RPSA: variants seen among roughly 807,000 people sequenced by gnomAD.
RPSA encodes ribosomal protein SA.
For missense variants in RPSA, 140 were observed against 372.8 expected (o/e 0.38, Z 5.14); for synonymous variants, 103 against 126.7 (o/e 0.81, Z 1.25).
At chr3:39,410,700 C>T in intron 3 of RPSA, 54 bp from the exon 4 acceptor site, 1 of 1,612,188 alleles carries the variant, frequency 6.2e-7, no homozygotes, top group Non-Finnish European at 8.5e-7. Flanking sequence ...TTACTGGGTG[C>T]CAGGATTGTT....
chr3:39,409,084 C>CAAA (rs752029969), intron 3 of RPSA: 9 of 78,464 alleles, frequency 1.1e-4, no homozygotes, highest in African/African-American at 1.4e-4. Flanking sequence ...GACTCTGTCT[C>CAAA]AAAAAAAAAA....
intron 5 of RPSA, 37 bp from the exon 6 acceptor site, chr3:39,411,859 C>T (rs2042009932): frequency 6.3e-6 from 10 of 1,599,368 alleles, no homozygotes; most frequent in Non-Finnish European, 8.5e-6. Context: ...ACTTGTCAGT[C>T]CCTGTAAGTC....
At chr3:39,412,194 G>C (rs2042015272) in intron 6 of RPSA, 80 bp from the exon 7 acceptor site, 1 of 1,305,024 alleles carries the variant, frequency 7.7e-7, no homozygotes, top group Non-Finnish European at 1.1e-6. Flanking sequence ...GCATCTGATA[G>C]ACTGCTGTTG....
chr3:39,411,493 G>T, intron 4 of RPSA, 156 bp from the exon 5 acceptor site: 1 of 765,480 alleles, frequency 1.3e-6, no homozygotes, highest in Non-Finnish European at 2.1e-6. Flanking sequence ...TGCAGACAAG[G>T]TTGAAAATCC....
chr3:39,409,184 CTTT>C (rs71091746), intron 3 of RPSA, among the ~76,000 whole-genome samples: 79 of 85,398 alleles, frequency 9.3e-4, no homozygotes, highest in Non-Finnish European at 1.5e-3. Flanking sequence ...TATGACCTTC[CTTT>C]TTTTTTTTTT....
intron 3 of RPSA, among the ~76,000 whole-genome samples, chr3:39,409,184 C>CTTTTTTTTTTTTTTTTTTTTTTTTT (rs71091746): frequency 1.2e-5 from 1 of 85,426 alleles, no homozygotes; most frequent in Non-Finnish European, 2.1e-5. Context: ...TATGACCTTC[C>CTTTTTTTTTTTTTTTTTTTTTTTTT]TTTTTTTTTT....
At chr3:39,411,539 A>G (rs2042005232) in intron 4 of RPSA, 110 bp from the exon 5 acceptor site, 6 of 1,166,718 alleles carry the variant, frequency 5.1e-6, no homozygotes, top group Non-Finnish European at 7.4e-6. Flanking sequence ...TTGCTTTTCA[A>G]CTAAGAGATG....
chr3:39,408,785 C>CGT, intron 3 of RPSA, 61 bp downstream of exon 3: 1 of 949,480 alleles, frequency 1.1e-6, no homozygotes, highest in South Asian at 1.3e-5. Context: ...CATTGTGAGA[C>CGT]ATAGAAAGAC....
Position 39,411,934 on chromosome 3 carries a change from G to A in RPSA, c.666G>A (p.Val222=). The A allele has an allele frequency of 6.3e-7, 1 of 1,599,874 alleles. No individual in the cohort carries two copies. The highest frequency in any genetic ancestry group is 2.2e-5 in the East Asian group (1 of 44,880). Residue 222 remains valine (V), a synonymous_variant, in exon 6 of 7, where the codon GTG becomes GTA. Transcript: ENST00000301821. ...KEEQAAAEKA[V]TKEEFQGEWT... is the part of the protein sequence containing the mutation. ...AGCAGGCTGCTGCTGAGAAGGCAGT[G>A]ACCAAGGAGGAATTTCAGGGTGAAT...
At chr3:39,409,990 G>A (rs2041981754) in intron 3 of RPSA, among the ~76,000 whole-genome samples, 1 of 152,186 alleles carries the variant, frequency 6.6e-6, no homozygotes, top group Admixed American at 6.5e-5. Flanking sequence ...CGAGCTGGGT[G>A]TGGTGTTGGC....
At chr3:39,411,151 A>G in intron 4 of RPSA, 152 bp downstream of exon 4, 1 of 888,428 alleles carries the variant, frequency 1.1e-6, no homozygotes. Flanking sequence ...TTTCGCTAAC[A>G]CCACAAGGGT....
At chr3:39,408,826 G>A (rs763287950) in intron 3 of RPSA, 102 bp downstream of exon 3, 15 of 802,414 alleles carry the variant, frequency 1.9e-5, no homozygotes, top group Middle Eastern at 2.7e-4. Context: ...CAGGCCGGGC[G>A]CGGTGGCTAC....
In RPSA at chr3:39,411,790, A is replaced by G. The variant is rs184725299; in HGVS notation, c.627+13A>G. Reference sequence around the variant, plus strand: ...AGATCCTGAAGAGGTAAGCTTCTCCAAAGGCTTGTGGTTACATAAGCAAAT... The same window carrying G: ...AGATCCTGAAGAGGTAAGCTTCTCCGAAGGCTTGTGGTTACATAAGCAAAT... On this transcript the variant is annotated intron_variant, in intron 5 of 6. Coordinates refer to ENST00000301821, the MANE Select transcript of RPSA (RefSeq NM_002295.6). The G allele has an allele frequency of 2.5e-6, 4 of 1,599,754 alleles. No individual in the cohort carries two copies. The highest frequency in any genetic ancestry group is 1.7e-5 in the Admixed American group (1 of 60,018).
At chr3:39,406,872 C>T (rs1575253329) in intron 1 of RPSA, 108 bp downstream of exon 1, 1 of 456,306 alleles carries the variant, frequency 2.2e-6, no homozygotes, top group African/African-American at 2.0e-5. Flanking sequence ...CAGACTGGAT[C>T]TGTCTCCCGC....
At chr3:39,409,981 G>A (rs1021567624) in intron 3 of RPSA, among the ~76,000 whole-genome samples, 9 of 152,144 alleles carry the variant, frequency 5.9e-5, no homozygotes, top group East Asian at 1.9e-4. Flanking sequence ...TAACAAAAAC[G>A]AGCTGGGTGT....
chr3:39,410,528 G>C, intron 3 of RPSA: 1 of 559,522 alleles, frequency 1.8e-6, no homozygotes, highest in Non-Finnish European at 3.2e-6. Context: ...ATTGGGCCAG[G>C]TAGTGTTGCT....
chr3:39,411,184 T>G (rs1279070777), intron 4 of RPSA, 185 bp downstream of exon 4: 1 of 773,590 alleles, frequency 1.3e-6, no homozygotes, highest in South Asian at 1.4e-5. Flanking sequence ...GAGTGGAGTT[T>G]GATAGTAATT....
chr3:39,411,984 C>T lies in RPSA; in HGVS notation c.716C>T (p.Thr239Ile), dbSNP rs11546158. The T allele has an allele frequency of 6.2e-7, 1 of 1,603,222 alleles. No individual in the cohort carries two copies. Residue 239 changes from threonine (T) to isoleucine (I), a missense_variant, in exon 6 of 7, where the codon ACT (threonine) becomes ATT (isoleucine). Transcript: ENST00000301821. Reference protein sequence around the residue: ...GEWTAPAPEFTATQPEVADWS... With the variant: ...GEWTAPAPEFIATQPEVADWS... The stretch of plus-strand genomic sequence containing the variant: ...TGGACTGCTCCCGCTCCTGAGTTCA[C>T]TGCTACTCAGCCTGAGGTTGCAGAC...
chr3:39,408,412 G>A (rs2041952676), intron 2 of RPSA, 194 bp from the exon 3 acceptor site: 2 of 761,514 alleles, frequency 2.6e-6, no homozygotes, highest in Admixed American at 3.4e-5. Context: ...AAAGCTCAGG[G>A]TGGAGGCCAG....
Sources: allele counts gnomAD v4.1 joint callset (sites outside exome capture counted in the v4.1 genomes callset), GRCh38; gene constraint gnomAD v4.1.1; transcripts MANE v1.5; gene names NCBI Gene and HGNC (gene_info 2026-07-23, HGNC 2026-07-21).